Variants in CHSY3 observed in about 807,000 individuals in gnomAD.
CHSY3 encodes chondroitin sulfate synthase 3, also known as N-acetylgalactosaminyl-proteoglycan 3-beta-glucuronosyltransferase 3.
Under a neutral mutation model 67.2 loss-of-function variants are expected in CHSY3, and 35 were observed. The observed-to-expected ratio is 0.52, with a 90% CI of 0.40 to 0.69. The LOEUF is 0.69. Among genes scored for constraint, CHSY3 ranks in the 30% least tolerant of loss-of-function variants. CHSY3 has a pLI of 0.00. For missense variants in CHSY3, 1,069 were observed against 1,138.5 expected, an observed-to-expected ratio of 0.94 and a Z score of 0.88; for synonymous variants, 474 against 434.7, an observed-to-expected ratio of 1.09 and a Z score of -1.12.
intron 2 of CHSY3, among the ~76,000 whole-genome samples, chr5:129,919,032 G>A (rs10045586): frequency 7.8e-4 from 114 of 145,730 alleles, no homozygotes; most frequent in Non-Finnish European, 1.4e-3. Flanking sequence ...GCGTGAACCC[G>A]GGAGGCGGAG....
At chr5:130,040,913 T>C (rs900844729) in intron 2 of CHSY3, among the ~76,000 whole-genome samples, 1 of 152,088 alleles carries the variant, frequency 6.6e-6, no homozygotes. Context: ...GAGAAAATAC[T>C]GTTTAGTAAG....
At chr5:129,913,030 C>T (rs868766374) in intron 2 of CHSY3, among the ~76,000 whole-genome samples, 5 of 152,208 alleles carry the variant, frequency 3.3e-5, no homozygotes, top group African/African-American at 1.2e-4. Context: ...GCAAAGATCA[C>T]ACTTTTGGTT....
At chr5:130,119,690 ATAAT>A (rs924577218) in intron 2 of CHSY3, among the ~76,000 whole-genome samples, 3 of 152,172 alleles carry the variant, frequency 2.0e-5, no homozygotes, top group Non-Finnish European at 2.9e-5. Context: ...TCCAGGATCA[ATAAT>A]TAATTATTGA....
At chr5:129,926,842 A>C (rs1761129638) in intron 2 of CHSY3, among the ~76,000 whole-genome samples, 2 of 151,664 alleles carry the variant, frequency 1.3e-5, no homozygotes, top group Admixed American at 1.3e-4. Context: ...TTGTTACATA[A>C]TATTTATATA....
At chr5:130,109,702 T>A (rs1337675626) in intron 2 of CHSY3, among the ~76,000 whole-genome samples, 1 of 151,636 alleles carries the variant, frequency 6.6e-6, no homozygotes, top group Non-Finnish European at 1.5e-5. Context: ...ATTTTTTTTT[T>A]AAGTGCATAT....
Position 130,105,241 on chromosome 5 carries a change from A to T in CHSY3, c.1087-78988A>T, listed in dbSNP as rs1418084400. On this transcript the variant is annotated intron_variant, in intron 2 of 2. Transcript: ENST00000305031. The stretch of plus-strand genomic sequence containing the variant: ...CTCTTCCCCTGAAAATAATTTGGAC[A>T]CAAGAATTTAAGAACTTCAAAGTAT... Among the ~76,000 whole-genome samples, 7 of 151,796 alleles carry T rather than the reference A, an allele frequency of 4.6e-5. No individual in the cohort carries two copies. In the East Asian group the frequency reaches 1.4e-3, roughly 29 times the overall value.
chr5:129,904,139 A>AGGGGC (rs1371046845), upstream of CHSY3, among the ~76,000 whole-genome samples: 1 of 141,986 alleles, frequency 7.0e-6, no homozygotes, highest in African/African-American at 2.7e-5. Flanking sequence ...AGGCCAGCGG[A>AGGGGC]GGGGCGGGAC....
chr5:130,065,588 G>A (rs1298669750), intron 2 of CHSY3, among the ~76,000 whole-genome samples: 2 of 152,068 alleles, frequency 1.3e-5, no homozygotes, highest in South Asian at 2.1e-4. Context: ...GAAGATCACA[G>A]ACTACCAAAG....
At chr5:130,021,491 T>C (rs1237473852) in intron 2 of CHSY3, among the ~76,000 whole-genome samples, 1 of 152,172 alleles carries the variant, frequency 6.6e-6, no homozygotes, top group Non-Finnish European at 1.5e-5. Flanking sequence ...ATTGTTTTTC[T>C]TGTCAGTTTC....
chr5:130,037,653 A>G (rs1475347248), intron 2 of CHSY3, among the ~76,000 whole-genome samples: 1 of 152,026 alleles, frequency 6.6e-6, no homozygotes, highest in African/African-American at 2.4e-5. Context: ...CTTTTACCCC[A>G]TAATTTACTA....
chr5:130,138,091 C>A (rs935513276), intron 2 of CHSY3, among the ~76,000 whole-genome samples: 2 of 151,938 alleles, frequency 1.3e-5, no homozygotes, highest in Admixed American at 6.6e-5. Context: ...AAAAAAAATT[C>A]AAGAAAAATA....
chr5:130,014,282 G>A (rs1319534850), intron 2 of CHSY3, among the ~76,000 whole-genome samples: 1 of 152,024 alleles, frequency 6.6e-6, no homozygotes, highest in African/African-American at 2.4e-5. Context: ...ACATTTTCAG[G>A]TATCTTTACA....
At chr5:129,933,964 C>T (rs1761406785) in intron 2 of CHSY3, among the ~76,000 whole-genome samples, 1 of 152,062 alleles carries the variant, frequency 6.6e-6, no homozygotes, top group African/African-American at 2.4e-5. Context: ...GTGTTGGTTT[C>T]AAGTTTTCAG....
intron 2 of CHSY3, among the ~76,000 whole-genome samples, chr5:129,980,498 T>C (rs1762950600): frequency 6.6e-6 from 1 of 152,218 alleles, no homozygotes; most frequent in Non-Finnish European, 1.5e-5. Flanking sequence ...GAAGTGTTCT[T>C]TGTATATTTT....
chr5:129,932,187 T>C (rs1455072872), intron 2 of CHSY3, among the ~76,000 whole-genome samples: 2 of 149,730 alleles, frequency 1.3e-5, no homozygotes, highest in African/African-American at 4.9e-5. Flanking sequence ...GATAGTTTTT[T>C]TTTTAAGGAA....
At chr5:129,985,768 T>C (rs1763181642) in intron 2 of CHSY3, among the ~76,000 whole-genome samples, 1 of 152,194 alleles carries the variant, frequency 6.6e-6, no homozygotes, top group Non-Finnish European at 1.5e-5. Context: ...TTCCTAGGTA[T>C]CTTCTCTTTG....
intron 2 of CHSY3, among the ~76,000 whole-genome samples, chr5:129,948,981 T>C (rs1761945816): frequency 6.6e-6 from 1 of 152,312 alleles, no homozygotes; most frequent in South Asian, 2.1e-4. Flanking sequence ...CACCCGGAGA[T>C]TGCAAAGGTT....
chr5:130,103,539 A>C (rs183902531), intron 2 of CHSY3, among the ~76,000 whole-genome samples: 254 of 152,080 alleles, frequency 1.7e-3, no homozygotes, highest in Non-Finnish European at 2.6e-3. Flanking sequence ...TTTGCTGAGC[A>C]TATGCCAGAC....
At chr5:130,000,151 T>G (rs1392609313) in intron 2 of CHSY3, among the ~76,000 whole-genome samples, 1 of 152,202 alleles carries the variant, frequency 6.6e-6, no homozygotes, top group Non-Finnish European at 1.5e-5. Context: ...ATAATGATTA[T>G]GGATAACATA....
Sources: allele counts gnomAD v4.1 joint callset (sites outside exome capture counted in the v4.1 genomes callset), GRCh38; gene constraint gnomAD v4.1.1; transcripts MANE v1.5; gene names NCBI Gene and HGNC (gene_info 2026-07-23, HGNC 2026-07-21).